SH3BGR: variants seen among roughly 807,000 people sequenced by gnomAD.
SH3BGR encodes SH3 domain binding glutamate rich protein, also known as SH3 domain-binding glutamic acid-rich protein.
A neutral mutation model predicts 24.5 loss-of-function variants in SH3BGR; 29 were observed. The observed-to-expected ratio is 1.18, with a 90% confidence interval of 0.88 to 1.61. The LOEUF (loss-of-function observed/expected upper bound fraction) is 1.61, where lower values mean the gene tolerates loss of function less well. SH3BGR is among the 40% of genes most tolerant of loss of function. The pLI, the probability that SH3BGR is intolerant of heterozygous loss-of-function variation, is 0.00. For synonymous variants in SH3BGR, 55 were observed against 65.7 expected (o/e 0.84, Z 0.79); for missense variants, 162 against 205.8 (o/e 0.79, Z 1.30).
At chr21:39,500,841 G>T (rs1260669136) in intron 4 of SH3BGR, among the ~76,000 whole-genome samples, 1 of 152,138 alleles carries the variant, frequency 6.6e-6, no homozygotes, top group Non-Finnish European at 1.5e-5. Context: ...AAAAAGGGGT[G>T]TGGGGCTGGG....
intron 2 of SH3BGR, among the ~76,000 whole-genome samples, chr21:39,464,950 A>C (rs77364369): frequency 0.33 from 50,652 of 151,980 alleles, 8,826 homozygotes; most frequent in Non-Finnish European, 0.37. Flanking sequence ...TCAAAATGGT[A>C]TCTAGTGAAA....
In SH3BGR at chr21:39,452,157, A is replaced by G. The variant is rs1317894457; in HGVS notation, c.45+16A>G. ...GTCCATAGCGGTAGGTGTCTGGTGG[A>G]CTCTTTCTTCCTATACTCTTTTCTG... On this transcript the variant is annotated intron_variant, in intron 1 of 6. Coordinates refer to ENST00000333634, the MANE Select transcript of SH3BGR (RefSeq NM_007341.3). 2 of 1,613,400 alleles carry G rather than the reference A, an allele frequency of 1.2e-6. No individual in the cohort carries two copies. Among genetic ancestry groups the G allele is most frequent in the Non-Finnish European group, 1.7e-6 (2 of 1,179,880 alleles).
At chr21:39,503,822 G>T (rs2078537635) in intron 4 of SH3BGR, among the ~76,000 whole-genome samples, 1 of 152,226 alleles carries the variant, frequency 6.6e-6, no homozygotes, top group South Asian at 2.1e-4. Context: ...GGACTTGGGA[G>T]GTCAGGAGGG....
At chr21:39,457,144 A>G (rs1054848792) in intron 1 of SH3BGR, among the ~76,000 whole-genome samples, 10 of 146,664 alleles carry the variant, frequency 6.8e-5, no homozygotes, top group African/African-American at 2.5e-4. Flanking sequence ...CATCAAGAAC[A>G]AATTATATAT....
intron 5 of SH3BGR, among the ~76,000 whole-genome samples, chr21:39,510,366 A>ACGCG (rs1491589053): frequency 1.7e-3 from 44 of 25,810 alleles, no homozygotes; most frequent in African/African-American, 3.3e-3. Context: ...GTAGCTACAT[A>ACGCG]CACACACACA....
intron 2 of SH3BGR, among the ~76,000 whole-genome samples, chr21:39,469,062 T>A (rs2077891623): frequency 6.6e-6 from 1 of 151,056 alleles, no homozygotes; most frequent in Admixed American, 6.6e-5. Context: ...CAGGCTGGAG[T>A]GCAGTGGTGC....
At chr21:39,475,571 A>G (rs1218293174) in intron 3 of SH3BGR, among the ~76,000 whole-genome samples, 3 of 152,288 alleles carry the variant, frequency 2.0e-5, no homozygotes, top group Admixed American at 1.3e-4. Context: ...TTGACTTCTC[A>G]TATAGCTTTA....
rs1555915412 is a variant in SH3BGR at position 39,510,479 on chromosome 21, A to ACC, written c.436-1198_436-1197dup. ...ACTGTAGCTACACACACACACACAC[A>ACC]CCCCATCAATTTCTGGTGAATACTC... On this transcript the variant is annotated intron_variant, in intron 5 of 6. Coordinates refer to ENST00000333634, the MANE Select transcript of SH3BGR (RefSeq NM_007341.3). Among the ~76,000 whole-genome samples the ACC allele has an allele frequency of 7.2e-4, 103 of 143,100 alleles. 1 individual carries two copies. In the Middle Eastern group the frequency reaches 0.026, roughly 37 times the overall value. 93.9% of individuals were successfully genotyped at this position (143,100 alleles called of 152,430 possible).
upstream of SH3BGR, among the ~76,000 whole-genome samples, chr21:39,450,205 G>C (rs2077557678): frequency 6.6e-6 from 1 of 152,120 alleles, no homozygotes; most frequent in Non-Finnish European, 1.5e-5. Flanking sequence ...ATGCAGAAAA[G>C]AAAAACTGAT....
At chr21:39,459,996 A>C (rs8130752) in intron 1 of SH3BGR, among the ~76,000 whole-genome samples, 1 of 152,200 alleles carries the variant, frequency 6.6e-6, no homozygotes, top group African/African-American at 2.4e-5. Flanking sequence ...TCTTTGAAGA[A>C]AGAAAATTGT....
chr21:39,476,291 G>A (rs1046456104), intron 3 of SH3BGR, among the ~76,000 whole-genome samples: 1 of 152,166 alleles, frequency 6.6e-6, no homozygotes, highest in African/African-American at 2.4e-5. Context: ...GACAAATGCG[G>A]CTGAGAGATT....
At chr21:39,503,729 T>G (rs981895974) in intron 4 of SH3BGR, among the ~76,000 whole-genome samples, 5 of 152,236 alleles carry the variant, frequency 3.3e-5, no homozygotes, top group Non-Finnish European at 7.3e-5. Context: ...GGACTTCCCC[T>G]GACCACCTCC....
At chr21:39,500,488 G>A (rs969335592) in intron 4 of SH3BGR, among the ~76,000 whole-genome samples, 3 of 152,124 alleles carry the variant, frequency 2.0e-5, no homozygotes, top group Admixed American at 6.5e-5. Context: ...AGTGGGCAAT[G>A]TTGGGGGACA....
In SH3BGR at chr21:39,471,583, C is replaced by T. The variant is rs183018855; in HGVS notation, c.232-3552C>T. Among the ~76,000 whole-genome samples the T allele has an allele frequency of 6.0e-5, 9 of 150,718 alleles. No individual in the cohort carries two copies. In the East Asian group the frequency reaches 1.4e-3, roughly 23 times the overall value. ...TTCCTCCACATTTTTCATCTTTTTT[C>T]CTCTCTAGATTATTTGTTGTTTGTT... On this transcript the variant is annotated intron_variant, in intron 2 of 6. Coordinates refer to ENST00000333634, the MANE Select transcript of SH3BGR (RefSeq NM_007341.3).
chr21:39,488,707 A>G, intron 3 of SH3BGR: 1 of 452,922 alleles, frequency 2.2e-6, no homozygotes, highest in African/African-American at 2.0e-5. Flanking sequence ...TGGGAAGATG[A>G]CAGAGGCAGA....
At position 39,515,236 on chromosome 21, in the gene SH3BGR, A is replaced by G; in HGVS notation, c.*183A>G. ...TGTACATGGAGGTATCTCCCGAATC[A>G]TACAAAATTAAATGTGAAGACCGTT... On this transcript the variant is annotated 3_prime_UTR_variant, in exon 7 of 7. Transcript: ENST00000333634. 1 of 398,334 alleles carries G rather than the reference A, an allele frequency of 2.5e-6. No homozygotes were observed. Among genetic ancestry groups the G allele is most frequent in the Admixed American group, 3.2e-5 (1 of 30,808 alleles). The allele number at this position is 398,334 out of a possible 1,614,324, so 24.7% of individuals were successfully genotyped here.
rs555591577 is a variant in SH3BGR at position 39,475,391 on chromosome 21, G to T, written c.312+176G>T. On this transcript the variant is annotated intron_variant, in intron 3 of 6. Transcript: ENST00000333634. The stretch of plus-strand genomic sequence containing the variant: ...GAGAATGCAGTTTTTACTAAAAAAA[G>T]TTCCAAAATTATGCTTTTCATATTT... Among the ~76,000 whole-genome samples the T allele has an allele frequency of 5.9e-5, 9 of 152,234 alleles. No individual in the cohort carries two copies. In the East Asian group the frequency reaches 1.7e-3, roughly 29 times the overall value.
intron 4 of SH3BGR, among the ~76,000 whole-genome samples, chr21:39,502,486 G>A (rs1245012263): frequency 1.3e-5 from 2 of 152,172 alleles, no homozygotes; most frequent in African/African-American, 2.4e-5. Flanking sequence ...TAACCAACAC[G>A]CTGCGGTGGA....
At chr21:39,454,439 A>G (rs1279816834) in intron 1 of SH3BGR, among the ~76,000 whole-genome samples, 6 of 152,210 alleles carry the variant, frequency 3.9e-5, no homozygotes, top group Non-Finnish European at 8.8e-5. Flanking sequence ...TTAATAGTTG[A>G]CTTCAAAGAG....
Sources: gnomAD v4.1 joint callset for allele counts (sites outside exome capture counted in the v4.1 genomes callset) on GRCh38, gnomAD v4.1.1 for gene constraint, MANE v1.5 for transcripts, NCBI Gene and HGNC (gene_info 2026-07-23, HGNC 2026-07-21) for gene names.